Variants in IFT88 observed in about 807,000 individuals in gnomAD.
The protein encoded by IFT88 is intraflagellar transport protein 88 homolog.
A neutral mutation model predicts 119.5 loss-of-function variants in IFT88; 74 were observed. That is an observed-to-expected ratio of 0.62 (90% CI 0.51 to 0.75). IFT88 has a LOEUF of 0.75. IFT88 is among the 30% of genes least tolerant of loss of function. The pLI is 0.00. For missense variants in IFT88, 961 were observed against 977.7 expected (o/e 0.98, Z 0.23); for synonymous variants, 279 against 316.7 (o/e 0.88, Z 1.26).
chr13:20,665,520 A>G (rs1388620460), intron 23 of IFT88, among the ~76,000 whole-genome samples: 1 of 152,264 alleles, frequency 6.6e-6, no homozygotes, highest in Non-Finnish European at 1.5e-5. Flanking sequence ...GTCTTGTACA[A>G]TTTATATATT....
At chr13:20,674,040 C>G (rs1164036358) in intron 24 of IFT88, among the ~76,000 whole-genome samples, 1 of 152,164 alleles carries the variant, frequency 6.6e-6, no homozygotes, top group Non-Finnish European at 1.5e-5. Flanking sequence ...TCATTTCATC[C>G]TGGAGCCCAG....
rs779248441 is a variant in IFT88 at position 20,583,015 on chromosome 13, C to G, written c.149C>G (p.Pro50Arg). The change falls in exon 3 of 26, where the codon CCT becomes CGT. Residue 50 changes from proline (P) to arginine (R), a missense_variant. Pro to Arg is a moderately radical substitution (Grantham distance 103). Coordinates refer to ENST00000351808, the MANE Select transcript of IFT88 (RefSeq NM_006531.5). ...GTGAGGACTAGTCATGGCAGAAGAC[C>G]TCCAGTAAGTGAAAAAAATTTTTTT... ...QAVRTSHGRR[P>R]PITAKISSTA... 3.1e-6 allele frequency: 5 copies of G among 1,600,856 alleles called. No individual in the cohort carries two copies. In the East Asian group the frequency reaches 8.9e-5, roughly 29 times the overall value.
intron 13 of IFT88, among the ~76,000 whole-genome samples, chr13:20,614,714 T>TA (rs1273146543): frequency 1.3e-5 from 2 of 152,156 alleles, no homozygotes; most frequent in Non-Finnish European, 2.9e-5. Context: ...TGGAATCTCT[T>TA]ATGTTTTACA....
intron 13 of IFT88, among the ~76,000 whole-genome samples, chr13:20,608,410 T>C (rs537484173): frequency 6.6e-6 from 1 of 152,320 alleles, no homozygotes; most frequent in South Asian, 2.1e-4. Context: ...GAGACTGTCA[T>C]CTGAGGGCCG....
intron 24 of IFT88, among the ~76,000 whole-genome samples, chr13:20,675,664 T>C (rs1478459538): frequency 1.3e-5 from 2 of 152,248 alleles, no homozygotes; most frequent in African/African-American, 4.8e-5. Context: ...AATATTCCAC[T>C]CTGCTGTTGT....
intron 3 of IFT88, 93 bp from the exon 4 acceptor site, chr13:20,589,718 T>C (rs2040334043): frequency 1.8e-6 from 1 of 568,672 alleles, no homozygotes; most frequent in Middle Eastern, 4.7e-4. Flanking sequence ...AATATTTCTT[T>C]ATTTATGAGT....
At chr13:20,629,980 C>T (rs1250756756) in intron 15 of IFT88, among the ~76,000 whole-genome samples, 1 of 152,172 alleles carries the variant, frequency 6.6e-6, no homozygotes, top group African/African-American at 2.4e-5. Flanking sequence ...TTCCACACAT[C>T]TTACTTGGTT....
intron 20 of IFT88, among the ~76,000 whole-genome samples, chr13:20,650,611 G>A (rs1382370898): frequency 1.3e-5 from 2 of 152,144 alleles, no homozygotes; most frequent in Non-Finnish European, 2.9e-5. Context: ...GTTCTAGCCA[G>A]AGCAGGTAGG....
At chr13:20,678,833 C>T (rs34076134) in intron 24 of IFT88, among the ~76,000 whole-genome samples, 32,155 of 152,118 alleles carry the variant, frequency 0.21, 3,940 homozygotes, top group African/African-American at 0.31. Context: ...GGCTACTTCT[C>T]GCAAGATTTG....
chr13:20,581,201 T>C (rs2138264161), intron 2 of IFT88, among the ~76,000 whole-genome samples: 1 of 152,312 alleles, frequency 6.6e-6, no homozygotes, highest in Middle Eastern at 3.4e-3. Context: ...TTAACTGTAA[T>C]AATAACAAGT....
intron 1 of IFT88, among the ~76,000 whole-genome samples, chr13:20,570,093 T>C (rs1034017865): frequency 1.3e-5 from 2 of 150,376 alleles, no homozygotes; most frequent in African/African-American, 4.9e-5. Context: ...CAAAGAGATA[T>C]AGAAATGGAT....
chr13:20,570,309 C>CT (rs1207419256), intron 1 of IFT88, among the ~76,000 whole-genome samples: 2 of 152,176 alleles, frequency 1.3e-5, no homozygotes, highest in Non-Finnish European at 2.9e-5. Context: ...GGAAAACAGT[C>CT]TAGCTGTTCC....
At chr13:20,686,180 A>C (rs1172492755) in intron 24 of IFT88, among the ~76,000 whole-genome samples, 1 of 152,224 alleles carries the variant, frequency 6.6e-6, no homozygotes, top group Non-Finnish European at 1.5e-5. Flanking sequence ...ATCACTTAAC[A>C]GCTTTGAGAG....
At chr13:20,650,362 G>A (rs11620505) in intron 20 of IFT88, among the ~76,000 whole-genome samples, 15,673 of 152,072 alleles carry the variant, frequency 0.1, 1,018 homozygotes, top group Non-Finnish European at 0.15. Context: ...ATAGAATGAA[G>A]AAAAAACCCA....
intron 14 of IFT88, among the ~76,000 whole-genome samples, chr13:20,623,266 T>G (rs1452973888): frequency 6.6e-6 from 1 of 152,240 alleles, no homozygotes; most frequent in Non-Finnish European, 1.5e-5. Context: ...GCTTTGCTTT[T>G]CTTTTTCAAG....
chr13:20,590,469 G>A (rs574775871), intron 4 of IFT88, among the ~76,000 whole-genome samples: 1 of 152,182 alleles, frequency 6.6e-6, no homozygotes, highest in East Asian at 1.9e-4. Flanking sequence ...GAGGTCCAGG[G>A]CACTTGCCTT....
intron 12 of IFT88, among the ~76,000 whole-genome samples, chr13:20,604,694 C>A (rs191507266): frequency 1.3e-5 from 2 of 152,180 alleles, no homozygotes; most frequent in Non-Finnish European, 2.9e-5. Context: ...ATGGCTTATG[C>A]CTATAGTCCC....
chr13:20,607,165 G>A (rs188851394), intron 13 of IFT88: 1 of 398,386 alleles, frequency 2.5e-6, no homozygotes, highest in South Asian at 2.0e-5. Flanking sequence ...TGTACGTGGG[G>A]CTCCTGCTGC....
chr13:20,587,395 C>T (rs1440846398), intron 3 of IFT88, among the ~76,000 whole-genome samples: 1 of 152,028 alleles, frequency 6.6e-6, no homozygotes, highest in Non-Finnish European at 1.5e-5. Flanking sequence ...GTAGCTGAGA[C>T]TACAGGCGTG....
Sources: allele counts gnomAD v4.1 joint callset (sites outside exome capture counted in the v4.1 genomes callset), GRCh38; gene constraint gnomAD v4.1.1; transcripts MANE v1.5; gene names NCBI Gene and HGNC (gene_info 2026-07-23, HGNC 2026-07-21).